PPP2R1A: variants seen among roughly 807,000 people sequenced by gnomAD.
PPP2R1A encodes the protein protein phosphatase 2 scaffold subunit Aalpha, also known as serine/threonine-protein phosphatase 2A 65 kDa regulatory subunit A alpha isoform.
PPP2R1A carries 15 observed loss-of-function variants against 67.1 expected under a neutral mutation model. That is an observed-to-expected ratio of 0.22 (90% CI 0.15 to 0.34). The LOEUF (loss-of-function observed/expected upper bound fraction) is 0.34. Among genes scored for constraint, PPP2R1A ranks in the 10% least tolerant of loss-of-function variants. PPP2R1A has a pLI of 1.00. For missense variants in PPP2R1A, 369 were observed against 775.0 expected (o/e 0.48, Z 6.22); for synonymous variants, 337 against 325.0 (o/e 1.04, Z -0.40).
intron 12 of PPP2R1A, among the ~76,000 whole-genome samples, chr19:52,221,523 T>C (rs370684827): frequency 2.2e-4 from 34 of 152,286 alleles, no homozygotes; most frequent in Non-Finnish European, 4.6e-4. Context: ...ATATTAGCTA[T>C]GGACCTTGGA....
chr19:52,190,356 G>A, intron 1 of PPP2R1A, 182 bp downstream of exon 1: 1 of 704,496 alleles, frequency 1.4e-6, no homozygotes, highest in Non-Finnish European at 2.4e-6. Flanking sequence ...ATTGGGTGTC[G>A]GCCCAGTGGA....
rs1979332617 is a variant in PPP2R1A, at chr19:52,227,471, A to T, written c.*1490A>T. 2.6e-5 allele frequency: 4 copies of T among 152,332 alleles called. No homozygotes were observed. Among genetic ancestry groups the T allele is most frequent in the Non-Finnish European group, 5.9e-5 (4 of 68,124 alleles). 9.4% of individuals were successfully genotyped at this position (152,332 alleles called of 1,614,324 possible). Reference sequence around the variant, plus strand: ...GGTTTCATCACTTGAAGGTGACCGGAATTCTAACTGATGGAGGGAGGGGCC... The same window carrying T: ...GGTTTCATCACTTGAAGGTGACCGGTATTCTAACTGATGGAGGGAGGGGCC... On this transcript the variant is annotated 3_prime_UTR_variant, in exon 15 of 15. Coordinates refer to ENST00000322088, the MANE Select transcript of PPP2R1A (RefSeq NM_014225.6).
chr19:52,199,571 G>C (rs2089527740), intron 1 of PPP2R1A, among the ~76,000 whole-genome samples: 1 of 152,188 alleles, frequency 6.6e-6, no homozygotes, highest in South Asian at 2.1e-4. Context: ...TCAGCCCACT[G>C]TCTGCTTTTG....
At chr19:52,221,467 G>A (rs564378350) in intron 12 of PPP2R1A, among the ~76,000 whole-genome samples, 2 of 152,186 alleles carry the variant, frequency 1.3e-5, no homozygotes, top group African/African-American at 2.4e-5. Flanking sequence ...TTGGGTGAGT[G>A]TATGGGCTCT....
chr19:52,224,511 A>T (rs181444501), intron 13 of PPP2R1A, among the ~76,000 whole-genome samples: 9 of 152,314 alleles, frequency 5.9e-5, no homozygotes, highest in African/African-American at 1.9e-4. Context: ...CTCCTAATAC[A>T]TTGTAGGCCT....
Position 52,212,464 on chromosome 19 carries a change from A to T in PPP2R1A, c.504-222A>T. 1.8e-6 allele frequency: 1 copy of T among 567,834 alleles called. No homozygotes were observed. The highest frequency in any genetic ancestry group is 2.2e-5 in the South Asian group (1 of 46,238). 35.2% of individuals were successfully genotyped at this position (567,834 alleles called of 1,614,324 possible). A position where few individuals can be genotyped will look rare whatever the true frequency, so the allele number is the denominator to read the frequency against. ...CTAGATTTATTATGCGCAATCTGCG[A>T]AGTGTCTCACACACACTATTTTCAT... On this transcript the variant is annotated intron_variant, in intron 4 of 14. Transcript: ENST00000322088. This position sits in a 1 kb window ranked among gnomAD's most constrained non-coding sequence, Gnocchi z 4.1.
rs776478595 is a variant in PPP2R1A, at chr19:52,190,828, GT to G, written c.78+656del. 2.1e-4 allele frequency among the ~76,000 whole-genome samples: 32 copies of G among 152,280 alleles called. No individual in the cohort carries two copies. In the East Asian group the frequency reaches 6.2e-3, roughly 30 times the overall value. ...GATCCTCCCATTGACCAGGATAGGGGTTGAGGGATTTGCTAAGCAGATGAAC... is the reference window on the plus strand; with the variant it reads ...GATCCTCCCATTGACCAGGATAGGGGTGAGGGATTTGCTAAGCAGATGAAC... On this transcript the variant is annotated intron_variant, in intron 1 of 14. Transcript: ENST00000322088.
intron 1 of PPP2R1A, among the ~76,000 whole-genome samples, chr19:52,196,188 G>A (rs1023466869): frequency 6.6e-6 from 1 of 151,084 alleles, no homozygotes; most frequent in Non-Finnish European, 1.5e-5. Context: ...GATAGTCAGT[G>A]CACAGGGAAT....
rs766508104 is a variant in PPP2R1A at position 52,213,105 on chromosome 19, A to G, written c.802A>G (p.Thr268Ala). The G allele has an allele frequency of 6.4e-7, 1 of 1,570,256 alleles. No homozygotes were observed. Among genetic ancestry groups the G allele is most frequent in the Admixed American group, 1.9e-5 (1 of 54,026 alleles). ...RVRYMVADKFTELQKAVGPEI... is the reference protein window; with the variant it reads ...RVRYMVADKFAELQKAVGPEI... ...CCGCTACATGGTGGCTGACAAGTTC[A>G]CAGAGGTAGATGAGCGACCGTTGAC... The change falls in exon 6 of 15, where the codon ACA (threonine) becomes GCA (alanine). Residue 268 changes from threonine (T) to alanine (A), a missense_variant. This residue lies in a region of PPP2R1A where 276 missense variants were observed against 508.4 expected (regional missense o/e 0.54). Coordinates refer to ENST00000322088, the MANE Select transcript of PPP2R1A (RefSeq NM_014225.6). This position sits in a 1 kb window ranked among gnomAD's most constrained non-coding sequence, Gnocchi z 4.2.
rs1978410360 is a variant in PPP2R1A, at chr19:52,213,901, C to T, written c.807+791C>T. ...CCTTCCACAGGGATCCAGATTGCCT[C>T]ATCCCACAAACATGTTTGCTGAGCA... On this transcript the variant is annotated intron_variant, in intron 6 of 14. Coordinates refer to ENST00000322088, the MANE Select transcript of PPP2R1A (RefSeq NM_014225.6). This position sits in a 1 kb window ranked among gnomAD's most constrained non-coding sequence, Gnocchi z 4.2. Among the ~76,000 whole-genome samples, 2 of 152,174 alleles carry T rather than the reference C, an allele frequency of 1.3e-5. No individual in the cohort carries two copies. The highest frequency in any genetic ancestry group is 6.5e-5 in the Admixed American group (1 of 15,280).
At position 52,225,736 on chromosome 19, in the gene PPP2R1A, A is replaced by G. The variant is rs368375470; in HGVS notation, c.1681A>G (p.Lys561Glu). ...TTCCAGCACCTTGCAGAGTGAAGTC[A>G]AGCCCATCCTAGAGAAGCTGACCCA... is the stretch of plus-strand genomic sequence containing the variant. ...LDNSTLQSEV[K>E]PILEKLTQDQ... is the part of the protein sequence containing the mutation. Residue 561 changes from lysine to glutamate, a missense_variant, in exon 14 of 15, where the codon AAG becomes GAG. By Grantham distance (56) the Lys-to-Glu change is moderately conservative (BLOSUM62 1). Around this residue, in one of 2 missense-constraint regions of PPP2R1A, gnomAD observed 276 missense variants for 508.4 expected, o/e 0.54. Coordinates refer to ENST00000322088, the MANE Select transcript of PPP2R1A (RefSeq NM_014225.6). 6.2e-7 allele frequency: 1 copy of G among 1,614,134 alleles called. No individual in the cohort carries two copies. The highest frequency in any genetic ancestry group is 1.1e-5 in the South Asian group (1 of 91,080).
chr19:52,211,774 A>G lies in PPP2R1A; in HGVS notation c.503+282A>G. The stretch of plus-strand genomic sequence containing the variant: ...TGAGGATTTAAAAGAATTATCACAC[A>G]TAAAGTGCTTAGAGCAAAATCTGGA... On this transcript the variant is annotated intron_variant, in intron 4 of 14. Coordinates refer to ENST00000322088, the MANE Select transcript of PPP2R1A (RefSeq NM_014225.6). The surrounding 1 kb of genome is among the most constrained non-coding windows in gnomAD (Gnocchi z 5.3). 2.1e-6 allele frequency: 1 copy of G among 479,492 alleles called. No homozygotes were observed. The highest frequency in any genetic ancestry group is 3.7e-6 in the Non-Finnish European group (1 of 270,596). 29.7% of individuals were successfully genotyped at this position (479,492 alleles called of 1,614,324 possible).
At chr19:52,207,883 G>T (rs997729281) in intron 3 of PPP2R1A, among the ~76,000 whole-genome samples, 3 of 152,114 alleles carry the variant, frequency 2.0e-5, no homozygotes, top group East Asian at 1.9e-4. Flanking sequence ...GGAGGCAGGG[G>T]GGTCCTTAAA....
intron 1 of PPP2R1A, 93 bp from the exon 2 acceptor site, chr19:52,201,851 G>T: frequency 1.7e-6 from 2 of 1,183,014 alleles, no homozygotes; most frequent in East Asian, 4.8e-5. Context: ...ACCAAGCAAG[G>T]CTTCCAGGGG....
chr19:52,219,539 G>A lies in PPP2R1A; in HGVS notation c.1129-152G>A, dbSNP rs1203763370. On this transcript the variant is annotated intron_variant, in intron 9 of 14. Transcript: ENST00000322088. This position sits in a 1 kb window ranked among gnomAD's most constrained non-coding sequence, Gnocchi z 4.0. ...CCATGCTGCTTGCTTTTTGTGTGCCGTTAATGTGTTCCCAGAACGGGGAGC... is the reference window on the plus strand; with the variant it reads ...CCATGCTGCTTGCTTTTTGTGTGCCATTAATGTGTTCCCAGAACGGGGAGC... 7.1e-6 allele frequency: 5 copies of A among 700,982 alleles called. No homozygotes were observed. The highest frequency in any genetic ancestry group is 3.4e-5 in the Admixed American group (1 of 29,666). 43.4% of individuals were successfully genotyped at this position (700,982 alleles called of 1,614,324 possible). A position where few individuals can be genotyped will look rare whatever the true frequency, so the allele number is the denominator to read the frequency against.
chr19:52,221,540 C>A (rs553574512), intron 12 of PPP2R1A, among the ~76,000 whole-genome samples: 1 of 152,222 alleles, frequency 6.6e-6, no homozygotes, highest in South Asian at 2.1e-4. Flanking sequence ...TGGATAGTTA[C>A]CTAACCGATG....
rs763637780 is a variant in PPP2R1A at position 52,211,451 on chromosome 19, C to T, written c.462C>T (p.Cys154=). 8.1e-6 allele frequency: 13 copies of T among 1,613,724 alleles called. No individual in the cohort carries two copies. The South Asian group carries it at 1.4e-4, about 18-fold the overall frequency. ...CGGCCTGCGGCCTCTTCTCCGTCTG[C>T]TACCCCCGAGTGTCCAGTGCTGTGA... is the stretch of plus-strand genomic sequence containing the variant. The part of the protein sequence containing the change: ...RTSACGLFSV[C]YPRVSSAVKA... The change falls in exon 4 of 15, where the codon TGC becomes TGT. Residue 154 remains cysteine (C), a synonymous_variant. Coordinates refer to ENST00000322088, the MANE Select transcript of PPP2R1A (RefSeq NM_014225.6). This position sits in a 1 kb window ranked among gnomAD's most constrained non-coding sequence, Gnocchi z 5.3.
chr19:52,199,405 A>G (rs1218970275), intron 1 of PPP2R1A, among the ~76,000 whole-genome samples: 1 of 151,946 alleles, frequency 6.6e-6, no homozygotes, highest in Non-Finnish European at 1.5e-5. Context: ...TCCTAACCTC[A>G]TGATCCGCCT....
chr19:52,216,352 C>T lies in PPP2R1A; in HGVS notation c.994-177C>T, dbSNP rs975090694. On this transcript the variant is annotated intron_variant, in intron 8 of 14. Transcript: ENST00000322088. This position sits in a 1 kb window ranked among gnomAD's most constrained non-coding sequence, Gnocchi z 4.3. ...TGCTGAGAGCAGGGGTCATTGAACT[C>T]TTAAGTAGGTGGTACTCATAAGGAA... Among the ~76,000 whole-genome samples, 5 of 152,140 alleles carry T rather than the reference C, an allele frequency of 3.3e-5. No individual in the cohort carries two copies. Among genetic ancestry groups the T allele is most frequent in the African/African-American group, 1.2e-4 (5 of 41,416 alleles).
Sources: gnomAD v4.1 joint callset for allele counts (sites outside exome capture counted in the v4.1 genomes callset) on GRCh38, gnomAD v4.1.1 for gene constraint, gnomAD v4.1.1 regional missense constraint, Gnocchi (gnomAD v3.1) non-coding constraint, MANE v1.5 for transcripts, NCBI Gene and HGNC (gene_info 2026-07-23, HGNC 2026-07-21) for gene names.